WASF2: variants seen among roughly 807,000 people sequenced by gnomAD.
The protein encoded by WASF2 is WASP family member 2, also known as actin-binding protein WASF2.
A neutral mutation model predicts 45.0 loss-of-function variants in WASF2; 14 were observed. The ratio of observed to expected loss-of-function variants is 0.31; its 90% CI spans 0.21 to 0.49. WASF2 has a LOEUF of 0.49. Ranked by LOEUF, WASF2 falls within the 20% of genes least tolerant of loss-of-function variation. The probability of loss-of-function intolerance (pLI) is 0.99; values close to 1 mark genes in which losing one functional copy is unlikely to be tolerated. For missense variants in WASF2, 439 were observed against 636.1 expected, an observed-to-expected ratio of 0.69 and a Z score of 3.33; for synonymous variants, 200 against 236.3, an observed-to-expected ratio of 0.85 and a Z score of 1.41.
At chr1:27,450,522 CAG>C (rs1212675248) in intron 1 of WASF2, among the ~76,000 whole-genome samples, 2 of 152,034 alleles carry the variant, frequency 1.3e-5, no homozygotes, top group Middle Eastern at 3.4e-3. Flanking sequence ...TTTTTTGAGA[CAG>C]AGTTTCACTC....
At chr1:27,486,216 TA>T (rs2017921651) in intron 1 of WASF2, among the ~76,000 whole-genome samples, 1 of 152,180 alleles carries the variant, frequency 6.6e-6, no homozygotes. Flanking sequence ...ACATCTGATT[TA>T]AAAAGTGCTG....
At chr1:27,441,753 C>CAAAA (rs35347075) in intron 1 of WASF2, among the ~76,000 whole-genome samples, 14 of 51,648 alleles carry the variant, frequency 2.7e-4, no homozygotes, top group African/African-American at 9.5e-4. Flanking sequence ...GACTCCGTCT[C>CAAAA]AAAAAAAAAA....
At chr1:27,489,677 G>A (rs981836351) in intron 1 of WASF2, among the ~76,000 whole-genome samples, 12 of 152,166 alleles carry the variant, frequency 7.9e-5, no homozygotes, top group Non-Finnish European at 1.5e-4. Flanking sequence ...GGCCTAGAGA[G>A]GAAAGTGACT....
chr1:27,467,169 A>T lies in WASF2; in HGVS notation c.-44+22817T>A, dbSNP rs1452269387. 7.4e-5 allele frequency among the ~76,000 whole-genome samples: 11 copies of T among 149,242 alleles called. 1 individual carries two copies. In the Admixed American group the frequency reaches 7.4e-4, roughly 10 times the overall value. On this transcript the variant is annotated intron_variant, in intron 1 of 8. Transcript: ENST00000618852. ...GTGGAGGTTGCAGTGAGTCGAGATA[A>T]TGCCACACTGCACTACAGCCTGGGT...
At chr1:27,478,344 C>G (rs193230840) in intron 1 of WASF2, among the ~76,000 whole-genome samples, 25 of 145,920 alleles carry the variant, frequency 1.7e-4, no homozygotes, top group Admixed American at 4.8e-4. Context: ...TTGGAAAGAA[C>G]TCTAGATATG....
chr1:27,471,297 ATC>A (rs1557619686), intron 1 of WASF2, among the ~76,000 whole-genome samples: 21 of 143,776 alleles, frequency 1.5e-4, no homozygotes, highest in Admixed American at 4.2e-4. Flanking sequence ...GTGAGCCGAG[ATC>A]CCGCCACTGC....
intron 1 of WASF2, among the ~76,000 whole-genome samples, chr1:27,446,142 T>G (rs914713731): frequency 6.6e-6 from 1 of 152,156 alleles, no homozygotes; most frequent in African/African-American, 2.4e-5. Flanking sequence ...AATTACAATA[T>G]GTACATGTAT....
chr1:27,489,453 T>TACACACAC lies in WASF2; in HGVS notation c.-44+525_-44+532dup, dbSNP rs371077805. ...AGCACCTCAATTACTTCATGGTACG[T>TACACACAC]ACACACACACACACACACACACACA... On this transcript the variant is annotated intron_variant, in intron 1 of 8. Transcript: ENST00000618852. 1.4e-3 allele frequency among the ~76,000 whole-genome samples: 25 copies of TACACACAC among 17,406 alleles called. 1 individual carries two copies. Among genetic ancestry groups the TACACACAC allele is most frequent in the African/African-American group, 8.2e-3 (24 of 2,934 alleles). The allele number at this position is 17,406 out of a possible 152,430, so 11.4% of individuals were successfully genotyped here.
intron 1 of WASF2, among the ~76,000 whole-genome samples, chr1:27,454,169 ATATATATATATATATATATTTTTT>A (rs1557612277): frequency 1.8e-4 from 7 of 38,244 alleles, no homozygotes; most frequent in African/African-American, 7.4e-4. Flanking sequence ...ATATATATAT[ATATATATATATATATATATTTTTT>A]TTTTTTTTTT....
At position 27,418,297 on chromosome 1, in the gene WASF2, G is replaced by T; in HGVS notation, c.391C>A (p.Pro131Thr). Residue 131 changes from proline to threonine, a missense_variant, in exon 4 of 9, where the codon CCC (proline) becomes ACC (threonine). Coordinates refer to ENST00000618852, the MANE Select transcript of WASF2 (RefSeq NM_006990.5). The part of the protein sequence containing the change: ...LETYNTCDTP[P>T]PLNNLTPYRD... ...TAAGGGGTAAGATTGTTGAGAGGGGGAGGAGTATCACAGGTATTGTATGTT... is the reference window on the plus strand; with the variant it reads ...TAAGGGGTAAGATTGTTGAGAGGGGTAGGAGTATCACAGGTATTGTATGTT... 1 of 1,614,190 alleles carries T rather than the reference G, an allele frequency of 6.2e-7. No individual in the cohort carries two copies. The highest frequency in any genetic ancestry group is 8.5e-7 in the Non-Finnish European group (1 of 1,180,012).
At chr1:27,439,528 CAAA>C (rs1426141312) in intron 1 of WASF2, among the ~76,000 whole-genome samples, 1 of 152,140 alleles carries the variant, frequency 6.6e-6, no homozygotes, top group Non-Finnish European at 1.5e-5. Flanking sequence ...CTAAAAGACA[CAAA>C]GAAGTATAAA....
chr1:27,486,015 C>T (rs567286161), intron 1 of WASF2, among the ~76,000 whole-genome samples: 5 of 152,152 alleles, frequency 3.3e-5, no homozygotes, highest in South Asian at 2.1e-4. Flanking sequence ...TGGCCTATCA[C>T]GTAAGTTTTA....
chr1:27,431,040 TA>T (rs2017056606), intron 1 of WASF2, among the ~76,000 whole-genome samples: 1 of 152,054 alleles, frequency 6.6e-6, no homozygotes, highest in Non-Finnish European at 1.5e-5. Flanking sequence ...CAAGTAAAAA[TA>T]AAACAGGAAG....
rs1192930453 is a variant in WASF2 at position 27,404,794 on chromosome 1, C to T, written c.*3395G>A. On this transcript the variant is annotated 3_prime_UTR_variant, in exon 9 of 9. Transcript: ENST00000618852. ...AATTGTTCCCTAACCCACACTGAGG[C>T]ACAGTTAAAGGGAACATGGTAGGAG... 1 of 152,230 alleles carries T rather than the reference C, an allele frequency of 6.6e-6. No homozygotes were observed. Among genetic ancestry groups the T allele is most frequent in the Non-Finnish European group, 1.5e-5 (1 of 68,020 alleles). The allele number at this position is 152,230 out of a possible 1,614,324, so 9.4% of individuals were successfully genotyped here.
intron 1 of WASF2, among the ~76,000 whole-genome samples, chr1:27,447,428 G>C (rs1244108353): frequency 6.6e-6 from 1 of 152,158 alleles, no homozygotes; most frequent in Admixed American, 6.6e-5. Flanking sequence ...GTGTACCTCT[G>C]CCTCACTGAT....
At chr1:27,471,584 C>G (rs1288337681) in intron 1 of WASF2, among the ~76,000 whole-genome samples, 5 of 152,010 alleles carry the variant, frequency 3.3e-5, no homozygotes, top group Non-Finnish European at 7.4e-5. Context: ...GCCGAGATGG[C>G]GCCACTGTAC....
intron 1 of WASF2, among the ~76,000 whole-genome samples, chr1:27,474,650 G>C (rs2017740385): frequency 1.3e-5 from 2 of 151,902 alleles, no homozygotes; most frequent in African/African-American, 4.8e-5. Context: ...TGAGCCTATA[G>C]TCCCAGCTAC....
At chr1:27,487,108 GA>G (rs1477119729) in intron 1 of WASF2, among the ~76,000 whole-genome samples, 9 of 146,202 alleles carry the variant, frequency 6.2e-5, no homozygotes, top group African/African-American at 2.2e-4. Flanking sequence ...TATATAGAGA[GA>G]TTTTTTTTTG....
rs950952241 is a variant in WASF2, at chr1:27,440,213, G to C, written c.-43-11280C>G. Reference sequence around the variant, plus strand: ...ATTTAGGATGCCACTGATTGAAAGAGGCATTACGATTCAAGAGATGTTAAA... The same window carrying C: ...ATTTAGGATGCCACTGATTGAAAGACGCATTACGATTCAAGAGATGTTAAA... On this transcript the variant is annotated intron_variant, in intron 1 of 8. Transcript: ENST00000618852. 3.9e-5 allele frequency among the ~76,000 whole-genome samples: 6 copies of C among 152,046 alleles called. No individual in the cohort carries two copies. In the East Asian group the frequency reaches 1.2e-3, roughly 29 times the overall value.
Sources: gnomAD v4.1 joint callset for allele counts (sites outside exome capture counted in the v4.1 genomes callset) on GRCh38, gnomAD v4.1.1 for gene constraint, MANE v1.5 for transcripts, NCBI Gene and HGNC (gene_info 2026-07-23, HGNC 2026-07-21) for gene names.